PACRG: variants seen among roughly 807,000 people sequenced by gnomAD.
PACRG encodes parkin coregulated gene protein.
PACRG carries 29 observed loss-of-function variants against 29.7 expected under a neutral mutation model. The ratio of observed to expected loss-of-function variants is 0.98; its 90% confidence interval spans 0.73 to 1.33. PACRG has a LOEUF of 1.33. Ranked by LOEUF, PACRG falls within the 40% of genes most tolerant of loss-of-function variation. The probability of loss-of-function intolerance (pLI) is 0.00; values close to 1 mark genes in which losing one functional copy is unlikely to be tolerated. For synonymous variants in PACRG, 116 were observed against 118.7 expected, an observed-to-expected ratio of 0.98 and a Z score of 0.15; for missense variants, 279 against 316.2, an observed-to-expected ratio of 0.88 and a Z score of 0.89.
intron 1 of PACRG, among the ~76,000 whole-genome samples, chr6:162,790,573 C>T (rs1273062752): frequency 6.6e-6 from 1 of 151,900 alleles, no homozygotes; most frequent in African/African-American, 2.4e-5. Context: ...TTAATCTTAC[C>T]TCATAAATCA....
At position 162,974,698 on chromosome 6, in the gene PACRG, T is replaced by C. The variant is rs144336298; in HGVS notation, c.292-87452T>C. 2.0e-3 allele frequency among the ~76,000 whole-genome samples: 299 copies of C among 152,352 alleles called. 1 individual carries two copies. Among genetic ancestry groups the C allele is most frequent in the African/African-American group, 6.2e-3 (256 of 41,582 alleles). On this transcript the variant is annotated intron_variant, in intron 2 of 4. Transcript: ENST00000366888. ...TGATATTAATAATTGCTAACACATA[T>C]CATGCTTAGTGTATTGTTAAGAGCT...
At chr6:162,740,462 C>T (rs1780494868) in intron 1 of PACRG, among the ~76,000 whole-genome samples, 3 of 151,758 alleles carry the variant, frequency 2.0e-5, no homozygotes, top group Admixed American at 2.0e-4. Flanking sequence ...AGGCGCCCAC[C>T]ACCACCCCCA....
At chr6:163,028,173 C>T (rs1392383177) in intron 2 of PACRG, among the ~76,000 whole-genome samples, 1 of 152,194 alleles carries the variant, frequency 6.6e-6, no homozygotes, top group African/African-American at 2.4e-5. Flanking sequence ...AGTCTCTAAC[C>T]CATTCCAATA....
chr6:163,047,177 C>T (rs1337468946), intron 2 of PACRG, among the ~76,000 whole-genome samples: 1 of 152,200 alleles, frequency 6.6e-6, no homozygotes, highest in Non-Finnish European at 1.5e-5. Flanking sequence ...ATTTCTAAAA[C>T]TCTGCCAAGA....
chr6:163,103,707 C>CA (rs34138955), intron 4 of PACRG, among the ~76,000 whole-genome samples: 1 of 152,168 alleles, frequency 6.6e-6, no homozygotes, highest in Non-Finnish European at 1.5e-5. Flanking sequence ...ATGAAGTCAT[C>CA]AAAAAATTGA....
At position 163,181,547 on chromosome 6, in the gene PACRG, C is replaced by T. The variant is rs117795176; in HGVS notation, c.613+92139C>T. On this transcript the variant is annotated intron_variant, in intron 4 of 4. Coordinates refer to ENST00000366888, the MANE Select transcript of PACRG (RefSeq NM_001080379.2). Reference sequence around the variant, plus strand: ...ACAAGTCCACCCCCAGAGGATTTGCCCCTGGAAATGGGTCCTCATGGACAG... The same window carrying T: ...ACAAGTCCACCCCCAGAGGATTTGCTCCTGGAAATGGGTCCTCATGGACAG... 1.3e-4 allele frequency among the ~76,000 whole-genome samples: 18 copies of T among 143,982 alleles called. No homozygotes were observed. The East Asian group carries it at 3.2e-3, about 25-fold the overall frequency. 94.5% of individuals were successfully genotyped at this position (143,982 alleles called of 152,430 possible).
chr6:163,074,348 A>G (rs1300825700), intron 3 of PACRG, among the ~76,000 whole-genome samples: 1 of 152,202 alleles, frequency 6.6e-6, no homozygotes, highest in Non-Finnish European at 1.5e-5. Flanking sequence ...ACATGTTCTT[A>G]CTTATTTTGG....
chr6:162,874,147 A>T (rs1294103433), intron 2 of PACRG, among the ~76,000 whole-genome samples: 41 of 109,752 alleles, frequency 3.7e-4, no homozygotes, highest in African/African-American at 7.7e-4. Context: ...GTTAAAAAAA[A>T]AAAAATATAT....
At chr6:163,223,764 G>A (rs1051930472) in intron 4 of PACRG, among the ~76,000 whole-genome samples, 14 of 152,172 alleles carry the variant, frequency 9.2e-5, no homozygotes, top group Non-Finnish European at 4.4e-5. Flanking sequence ...GAAGAAACAT[G>A]CTTAGGGAGA....
Position 162,785,053 on chromosome 6 carries a change from T to G in PACRG, c.157-29094T>G, listed in dbSNP as rs559596615. On this transcript the variant is annotated intron_variant, in intron 1 of 4. Transcript: ENST00000366888. ...GAAACTTCTCATTGGGAAAACAGAC[T>G]CATCCCTGCAGCCTAAAGCAGATTT... is the stretch of plus-strand genomic sequence containing the variant. Among the ~76,000 whole-genome samples the G allele has an allele frequency of 5.3e-5, 8 of 152,216 alleles. No individual in the cohort carries two copies. In the South Asian group the frequency reaches 1.7e-3, roughly 32 times the overall value.
At chr6:163,181,787 T>C (rs1386419663) in intron 4 of PACRG, among the ~76,000 whole-genome samples, 2 of 152,044 alleles carry the variant, frequency 1.3e-5, no homozygotes, top group Non-Finnish European at 2.9e-5. Context: ...GGGGAAAAAG[T>C]CCAGCATACC....
intron 4 of PACRG, among the ~76,000 whole-genome samples, chr6:163,273,103 C>T (rs1199516152): frequency 2.7e-5 from 4 of 146,256 alleles, no homozygotes; most frequent in Non-Finnish European, 5.9e-5. Context: ...CCGTTTTAGC[C>T]GGGATGGTCT....
At chr6:163,016,469 G>C (rs1158604608) in intron 2 of PACRG, among the ~76,000 whole-genome samples, 1 of 151,780 alleles carries the variant, frequency 6.6e-6, no homozygotes, top group African/African-American at 2.4e-5. Context: ...TCTGCCACTA[G>C]GTTCAGCCTG....
intron 1 of PACRG, among the ~76,000 whole-genome samples, chr6:162,792,964 A>G (rs2128329045): frequency 6.6e-6 from 1 of 152,238 alleles, no homozygotes; most frequent in East Asian, 1.9e-4. Context: ...GTGCTGAGGT[A>G]TTGGTTGGCC....
At position 163,127,756 on chromosome 6, in the gene PACRG, C is replaced by T. The variant is rs1816575248; in HGVS notation, c.613+38348C>T. Among the ~76,000 whole-genome samples the T allele has an allele frequency of 2.0e-5, 3 of 152,160 alleles. No individual in the cohort carries two copies. The South Asian group carries it at 6.2e-4, about 32-fold the overall frequency. ...GTAAAGTCTTGTCATTTGAGTCTCA[C>T]CATGTCATCAGGACACAATGTGCCA... On this transcript the variant is annotated intron_variant, in intron 4 of 4. Transcript: ENST00000366888.
intron 4 of PACRG, among the ~76,000 whole-genome samples, chr6:163,134,436 T>C (rs1698802572): frequency 6.6e-6 from 1 of 152,180 alleles, no homozygotes; most frequent in Non-Finnish European, 1.5e-5. Context: ...AAGCCACGCA[T>C]AGAGCCCTTC....
intron 4 of PACRG, among the ~76,000 whole-genome samples, chr6:163,096,200 G>A (rs910260525): frequency 2.0e-5 from 3 of 152,322 alleles, no homozygotes; most frequent in South Asian, 2.1e-4. Flanking sequence ...AGAGATGGAA[G>A]CTCACACTTC....
chr6:163,098,263 C>G (rs1814779408), intron 4 of PACRG, among the ~76,000 whole-genome samples: 2 of 152,130 alleles, frequency 1.3e-5, no homozygotes, highest in African/African-American at 2.4e-5. Flanking sequence ...ACTCATGCCC[C>G]CTGCCTGTGT....
At position 163,131,089 on chromosome 6, in the gene PACRG, C is replaced by T. The variant is rs555489174; in HGVS notation, c.613+41681C>T. Among the ~76,000 whole-genome samples the T allele has an allele frequency of 2.6e-5, 4 of 152,170 alleles. No individual in the cohort carries two copies. In the East Asian group the frequency reaches 5.8e-4, roughly 22 times the overall value. ...TTGGGAGGCCGAGGCGGGTGGATCACGAGGTCAGGAGATCGAGACCATCCT... is the reference window on the plus strand; with the variant it reads ...TTGGGAGGCCGAGGCGGGTGGATCATGAGGTCAGGAGATCGAGACCATCCT... On this transcript the variant is annotated intron_variant, in intron 4 of 4. Transcript: ENST00000366888.
Sources: gnomAD v4.1 joint callset for allele counts (sites outside exome capture counted in the v4.1 genomes callset) on GRCh38, gnomAD v4.1.1 for gene constraint, MANE v1.5 for transcripts, NCBI Gene and HGNC (gene_info 2026-07-23, HGNC 2026-07-21) for gene names.